The following FOCAD variants were observed in gnomAD, a reference collection of about 807,000 sequenced individuals.
The protein encoded by FOCAD is focadhesin, also known as KIAA1797.
In FOCAD, 198 loss-of-function variants were observed where a neutral mutation model predicts 225.6. The ratio of observed to expected loss-of-function variants is 0.88; its 90% confidence interval spans 0.78 to 0.99. FOCAD has a LOEUF of 0.99. Among genes scored for constraint, FOCAD ranks in the 50% least tolerant of loss-of-function variants. FOCAD has a pLI of 0.00. For synonymous variants in FOCAD, 897 were observed against 755.0 expected, an observed-to-expected ratio of 1.19 and a Z score of -3.08; for missense variants, 2,713 against 2,123.6, an observed-to-expected ratio of 1.28 and a Z score of -5.46.
intron 21 of FOCAD, among the ~76,000 whole-genome samples, chr9:20,901,451 G>T (rs1048813323): frequency 2.0e-5 from 3 of 151,820 alleles, no homozygotes; most frequent in Non-Finnish European, 4.4e-5. Flanking sequence ...ATCAAAGAAT[G>T]CCATCAAAGT....
chr9:20,743,349 C>T (rs1050680507), intron 5 of FOCAD, among the ~76,000 whole-genome samples: 1 of 152,166 alleles, frequency 6.6e-6, no homozygotes. Context: ...GTATTAAGCA[C>T]TGTGCCAGTA....
intron 5 of FOCAD, among the ~76,000 whole-genome samples, chr9:20,740,686 G>C (rs1377312205): frequency 1.3e-5 from 2 of 152,156 alleles, no homozygotes; most frequent in African/African-American, 2.4e-5. Context: ...AGCAGGGGGG[G>C]ATTTAGGTTA....
At chr9:20,696,398 A>C (rs1823372211) in intron 1 of FOCAD, among the ~76,000 whole-genome samples, 2 of 152,244 alleles carry the variant, frequency 1.3e-5, no homozygotes, top group Non-Finnish European at 1.5e-5. Flanking sequence ...AAATCATTTC[A>C]CACTGTATAC....
intron 1 of FOCAD, among the ~76,000 whole-genome samples, chr9:20,691,287 A>G (rs1257775587): frequency 6.6e-6 from 1 of 152,046 alleles, no homozygotes; most frequent in Non-Finnish European, 1.5e-5. Flanking sequence ...TAGCAAAAAT[A>G]CCACAATTCC....
At chr9:20,855,386 T>C (rs1587409839) in intron 15 of FOCAD, among the ~76,000 whole-genome samples, 1 of 151,758 alleles carries the variant, frequency 6.6e-6, no homozygotes, top group South Asian at 2.1e-4. Flanking sequence ...GAAAGCCATG[T>C]TAAGTGTTTT....
intron 2 of FOCAD, among the ~76,000 whole-genome samples, chr9:20,677,377 G>A (rs1822265080): frequency 6.6e-6 from 1 of 152,124 alleles, no homozygotes; most frequent in African/African-American, 2.4e-5. Flanking sequence ...AGGTGGGATT[G>A]CATCAAACCA....
At chr9:20,967,090 T>C (rs894319782) in intron 35 of FOCAD, among the ~76,000 whole-genome samples, 2 of 152,114 alleles carry the variant, frequency 1.3e-5, no homozygotes, top group African/African-American at 2.4e-5. Flanking sequence ...AGGGATTGCA[T>C]TGAATCTATG....
chr9:20,675,947 A>G (rs1822219525), intron 2 of FOCAD, among the ~76,000 whole-genome samples: 1 of 152,234 alleles, frequency 6.6e-6, no homozygotes, highest in Non-Finnish European at 1.5e-5. Context: ...AGCCTCTATG[A>G]ATCGTCTGCG....
intron 8 of FOCAD, among the ~76,000 whole-genome samples, chr9:20,772,861 C>G (rs1170623588): frequency 6.6e-6 from 1 of 151,468 alleles, no homozygotes; most frequent in Non-Finnish European, 1.5e-5. Context: ...AACATGTTTT[C>G]TATTATACAG....
intron 22 of FOCAD, 117 bp downstream of exon 22, chr9:20,907,359 T>G: frequency 1.3e-6 from 1 of 799,698 alleles, no homozygotes; most frequent in Middle Eastern, 2.3e-4. Context: ...AAAAATGTAA[T>G]GGTTATTTTT....
chr9:20,701,276 C>G (rs79871676), intron 1 of FOCAD, among the ~76,000 whole-genome samples: 1 of 152,170 alleles, frequency 6.6e-6, no homozygotes, highest in Non-Finnish European at 1.5e-5. Flanking sequence ...GACATTTCTT[C>G]CTGAGCGTTC....
chr9:20,822,882 G>A (rs1587306677), intron 14 of FOCAD, 107 bp from the exon 15 acceptor site: 4 of 1,039,732 alleles, frequency 3.8e-6, no homozygotes, highest in East Asian at 3.1e-5. Context: ...CCATTTAGTG[G>A]CACAAGAGTA....
At chr9:20,958,896 T>A (rs1341148232) in intron 35 of FOCAD, among the ~76,000 whole-genome samples, 1 of 152,178 alleles carries the variant, frequency 6.6e-6, no homozygotes, top group Admixed American at 6.5e-5. Context: ...TTAATAGTAT[T>A]CCATTGTGGA....
intron 28 of FOCAD, among the ~76,000 whole-genome samples, chr9:20,939,797 C>G (rs1373186043): frequency 1.3e-5 from 2 of 149,964 alleles, no homozygotes; most frequent in South Asian, 4.2e-4. Flanking sequence ...TACATGTGCA[C>G]AACGCGCAGG....
intron 15 of FOCAD, among the ~76,000 whole-genome samples, chr9:20,854,247 T>G (rs1291189560): frequency 2.0e-5 from 3 of 151,738 alleles, no homozygotes; most frequent in Non-Finnish European, 4.4e-5. Flanking sequence ...ACAAAGTCAT[T>G]TTTACAGCAC....
chr9:20,988,404 C>T lies in FOCAD; in HGVS notation c.4979C>T (p.Ser1660Phe), dbSNP rs1211734303. ...AGAAATGTTGCTTACCAGTCAACAT[C>T]CTTTCACAATACGGCTCTTGACAAG... is the stretch of plus-strand genomic sequence containing the variant. ...YIRNVAYQSTSFHNTALDKAL... is the reference protein window; with the variant it reads ...YIRNVAYQSTFFHNTALDKAL... The change falls in exon 41 of 44, where the codon TCC (serine) becomes TTC (phenylalanine). Residue 1660 changes from serine (S) to phenylalanine (F), a missense_variant. Ser to Phe is a radical substitution (Grantham distance 155). Coordinates refer to ENST00000338382, the MANE Select transcript of FOCAD (RefSeq NM_001375567.1). 2 of 1,606,922 alleles carry T rather than the reference C, an allele frequency of 1.2e-6. No homozygotes were observed. Among genetic ancestry groups the T allele is most frequent in the Non-Finnish European group, 8.5e-7 (1 of 1,174,450 alleles).
intron 11 of FOCAD, among the ~76,000 whole-genome samples, chr9:20,815,137 GTT>G (rs71334555): frequency 3.5e-4 from 24 of 69,142 alleles, no homozygotes; most frequent in East Asian, 1.9e-3. Context: ...TTTTTTTTTT[GTT>G]TTTTTTTTTT....
intron 2 of FOCAD, among the ~76,000 whole-genome samples, chr9:20,661,750 C>G (rs564844870): frequency 3.4e-4 from 52 of 152,170 alleles, no homozygotes; most frequent in African/African-American, 1.3e-3. Flanking sequence ...TTCAGTAATA[C>G]CAGATTACAA....
At chr9:20,688,015 G>A (rs550148243) in intron 1 of FOCAD, among the ~76,000 whole-genome samples, 1 of 152,258 alleles carries the variant, frequency 6.6e-6, no homozygotes, top group African/African-American at 2.4e-5. Flanking sequence ...AGGACAAATA[G>A]ATAGGTTAGA....
Sources: gnomAD v4.1 joint callset for allele counts (sites outside exome capture counted in the v4.1 genomes callset) on GRCh38, gnomAD v4.1.1 for gene constraint, MANE v1.5 for transcripts, NCBI Gene and HGNC (gene_info 2026-07-23, HGNC 2026-07-21) for gene names.